The following TFR2 variants were observed in gnomAD, a reference collection of about 807,000 sequenced individuals.
The protein encoded by TFR2 is transferrin receptor protein 2.
In TFR2, 64 loss-of-function variants were observed where a neutral mutation model predicts 91.9. That is an observed-to-expected ratio of 0.70 (90% CI 0.57 to 0.86). TFR2 has a LOEUF of 0.86. Among genes scored for constraint, TFR2 ranks in the 40% least tolerant of loss-of-function variants. TFR2 has a pLI of 0.00. For synonymous variants in TFR2, 454 were observed against 459.6 expected (o/e 0.99, Z 0.15); for missense variants, 950 against 1,080.5 (o/e 0.88, Z 1.69).
chr7:100,629,739 T>G (rs1803374015), intron 9 of TFR2, among the ~76,000 whole-genome samples: 1 of 152,060 alleles, frequency 6.6e-6, no homozygotes, highest in Admixed American at 6.5e-5. Flanking sequence ...TTTTACTTAC[T>G]TACTTATTTA....
intron 17 of TFR2, among the ~76,000 whole-genome samples, chr7:100,624,342 T>C (rs1803196705): frequency 6.6e-6 from 1 of 152,188 alleles, no homozygotes; most frequent in South Asian, 2.1e-4. Context: ...CTCTCCACCC[T>C]GAAATGTCCT....
chr7:100,639,046 T>C (rs1054820029), intron 3 of TFR2, among the ~76,000 whole-genome samples: 3 of 152,046 alleles, frequency 2.0e-5, no homozygotes, highest in Admixed American at 6.6e-5. Flanking sequence ...AGGAAATCTA[T>C]TAACACAAAT....
rs561372343 is a variant in TFR2, at chr7:100,638,072, C to T, written c.473+2614G>A. On this transcript the variant is annotated intron_variant, in intron 3 of 17. Coordinates refer to ENST00000223051, the MANE Select transcript of TFR2 (RefSeq NM_003227.4). Reference sequence around the variant, plus strand: ...AGGCTGGAGTGCAGTGGCGCGATCTCGGTTCACTGCAAGCTCCGCCTCCCG... The same window carrying T: ...AGGCTGGAGTGCAGTGGCGCGATCTTGGTTCACTGCAAGCTCCGCCTCCCG... Among the ~76,000 whole-genome samples, 285 of 151,968 alleles carry T rather than the reference C, an allele frequency of 1.9e-3. 2 individuals carry two copies. The highest frequency in any genetic ancestry group is 9.8e-4 in the East Asian group (5 of 5,096).
At position 100,637,179 on chromosome 7, in the gene TFR2, C is replaced by G. The variant is rs112657344; in HGVS notation, c.473+3507G>C. ...CTTTGGGAGGCCGAGGTGGGTGGAT[C>G]TCCTGAGGTCAGGAGTTCGAGACCA... On this transcript the variant is annotated intron_variant, in intron 3 of 17. Coordinates refer to ENST00000223051, the MANE Select transcript of TFR2 (RefSeq NM_003227.4). Among the ~76,000 whole-genome samples, 640 of 152,206 alleles carry G rather than the reference C, an allele frequency of 4.2e-3. 3 individuals are homozygous for G. Among genetic ancestry groups the G allele is most frequent in the African/African-American group, 0.013 (529 of 41,518 alleles).
In TFR2 at chr7:100,633,029, C is replaced by A. The variant is rs1181796045; in HGVS notation, c.821G>T (p.Arg274Leu). The change falls in exon 6 of 18, where the codon CGC (arginine) becomes CTC (leucine). Residue 274 changes from arginine (R) to leucine (L), a missense_variant. By Grantham distance (102) the Arg-to-Leu change is moderately radical. Coordinates refer to ENST00000223051, the MANE Select transcript of TFR2 (RefSeq NM_003227.4). ...CTGGGCGAAGCTGATCACCCCCACG[C>A]GCACCAGCAGCAGGCGGCCCACTGG... Reference protein sequence around the residue: ...VDPVGRLLLVRVGVISFAQKV... With the variant: ...VDPVGRLLLVLVGVISFAQKV... 2 of 1,613,664 alleles carry A rather than the reference C, an allele frequency of 1.2e-6. No homozygotes were observed.
intron 3 of TFR2, among the ~76,000 whole-genome samples, chr7:100,637,353 C>A (rs1444075531): frequency 6.6e-6 from 1 of 151,550 alleles, no homozygotes; most frequent in African/African-American, 2.4e-5. Flanking sequence ...GAGCCAAGAT[C>A]GTGCCATTGC....
Position 100,627,443 on chromosome 7 carries a change from T to C in TFR2, c.1816A>G (p.Asn606Asp). ...CGGCCTTGCAGCACCTTATGCAGGT[T>C]CTCATAAGTGTCCTCCTTTGTGTGC... ...FLHTKEDTYE[N>D]LHKVLQGRLP... The change falls in exon 16 of 18, where the codon AAC becomes GAC. Residue 606 changes from asparagine to aspartate, a missense_variant. By Grantham distance (23) the Asn-to-Asp change is conservative (BLOSUM62 1). Coordinates refer to ENST00000223051, the MANE Select transcript of TFR2 (RefSeq NM_003227.4). The C allele has an allele frequency of 6.3e-7, 1 of 1,596,262 alleles. No homozygotes were observed. Among genetic ancestry groups the C allele is most frequent in the Non-Finnish European group, 8.5e-7 (1 of 1,171,636 alleles).
At position 100,620,729 on chromosome 7, in the gene TFR2, T is replaced by C. The variant is rs905761059; in HGVS notation, c.*128A>G. 1.1e-5 allele frequency: 15 copies of C among 1,325,996 alleles called. No individual in the cohort carries two copies. The highest frequency in any genetic ancestry group is 1.5e-5 in the Non-Finnish European group (14 of 945,220). 82.1% of individuals were successfully genotyped at this position (1,325,996 alleles called of 1,614,324 possible). A position where few individuals can be genotyped will look rare whatever the true frequency, so the allele number is the denominator to read the frequency against. On this transcript the variant is annotated 3_prime_UTR_variant, in exon 18 of 18. Transcript: ENST00000223051. ...GGTCTGGGCTCCGTGGAGAGATGTG[T>C]AGGGGTAATGAGAAATTGATCAGCA... is the stretch of plus-strand genomic sequence containing the variant.
At chr7:100,631,772 T>C (rs773114504) in intron 8 of TFR2, 34 bp downstream of exon 8, 2 of 1,602,084 alleles carry the variant, frequency 1.2e-6, no homozygotes, top group African/African-American at 2.7e-5. Flanking sequence ...CTCTCTCTGC[T>C]TCCTCCTCTT....
intron 17 of TFR2, 83 bp from the exon 18 acceptor site, chr7:100,621,209 CTTTTTGTTTTTTTGTT>C (rs554609956): frequency 7.1e-7 from 1 of 1,400,960 alleles, no homozygotes; most frequent in African/African-American, 1.5e-5. Context: ...GCCAGCCAGT[CTTTTTGTTTTTTTGTT>C]TGTTTGTTTT....
In TFR2 at chr7:100,627,353, C is replaced by G. The variant is rs1196855122; in HGVS notation, c.1906G>C (p.Asp636His). 6.4e-7 allele frequency: 1 copy of G among 1,552,112 alleles called. No homozygotes were observed. The highest frequency in any genetic ancestry group is 1.2e-5 in the South Asian group (1 of 84,170). The change falls in exon 16 of 18, where the codon GAT becomes CAT. Residue 636 changes from aspartate (D) to histidine (H), a missense_variant. Physicochemically the swap from Asp to His is moderately conservative, Grantham distance 81 (BLOSUM62 -1). Transcript: ENST00000223051. ...CCGAAGTCGAGGGGCAGCAGGCGAT[C>G]GTGGCTGAGCCGGATGAGGAGCTGC... is the stretch of plus-strand genomic sequence containing the variant. ...AGQLLIRLSHDRLLPLDFGRY... is the reference protein window; with the variant it reads ...AGQLLIRLSHHRLLPLDFGRY...
chr7:100,629,472 A>C (rs1803367263), intron 9 of TFR2, 100 bp from the exon 10 acceptor site: 3 of 1,590,648 alleles, frequency 1.9e-6, no homozygotes, highest in Admixed American at 1.7e-5. Flanking sequence ...CAATTCCGGC[A>C]ACCCTAGCCC....
intron 3 of TFR2, among the ~76,000 whole-genome samples, chr7:100,636,170 CTTTTTTTTTT>C (rs10584926): frequency 1.2e-5 from 1 of 85,732 alleles, no homozygotes; most frequent in Non-Finnish European, 2.1e-5. Flanking sequence ...CACCCTGCAT[CTTTTTTTTTT>C]TTTTTTTTTT....
At position 100,627,743 on chromosome 7, in the gene TFR2, C is replaced by T; in HGVS notation, c.1682+1G>A. The T allele has an allele frequency of 6.2e-7, 1 of 1,613,892 alleles. No homozygotes were observed. Reference sequence around the variant, plus strand: ...CAGCTCTCCCTACCCCCCCAACTTACACCTCAGCATCCCAGCTGGGATTGG... The same window carrying T: ...CAGCTCTCCCTACCCCCCCAACTTATACCTCAGCATCCCAGCTGGGATTGG... On this transcript the variant is annotated splice_donor_variant, in intron 14 of 17. Coordinates refer to ENST00000223051, the MANE Select transcript of TFR2 (RefSeq NM_003227.4). LOFTEE classifies it high-confidence loss of function.
chr7:100,628,576 A>C (rs1803334736), intron 10 of TFR2, among the ~76,000 whole-genome samples: 1 of 150,998 alleles, frequency 6.6e-6, no homozygotes, highest in African/African-American at 2.4e-5. Flanking sequence ...ATTTTTAAAA[A>C]ACTTTTGTAG....
intron 17 of TFR2, among the ~76,000 whole-genome samples, chr7:100,622,150 T>C (rs1193457143): frequency 6.6e-6 from 1 of 152,160 alleles, no homozygotes; most frequent in African/African-American, 2.4e-5. Flanking sequence ...CTTAGCCTCC[T>C]GAGTAGTTGG....
chr7:100,635,720 T>C (rs1803561405), intron 3 of TFR2, among the ~76,000 whole-genome samples: 2 of 152,072 alleles, frequency 1.3e-5, no homozygotes, highest in Admixed American at 1.3e-4. Context: ...TGCCTTGGCC[T>C]CCCAAAGTGC....
intron 3 of TFR2, 96 bp from the exon 4 acceptor site, chr7:100,633,652 C>A: frequency 9.0e-7 from 1 of 1,116,016 alleles, no homozygotes; most frequent in South Asian, 2.1e-5. Context: ...GGGGCAGGGG[C>A]GGCGAGGGGT....
At chr7:100,622,055 G>T (rs1803126743) in intron 17 of TFR2, among the ~76,000 whole-genome samples, 1 of 151,976 alleles carries the variant, frequency 6.6e-6, no homozygotes, top group Admixed American at 6.6e-5. Flanking sequence ...TAGAGACAGG[G>T]TCTCACTGTC....
Sources: gnomAD v4.1 joint callset for allele counts (sites outside exome capture counted in the v4.1 genomes callset) on GRCh38, gnomAD v4.1.1 for gene constraint, MANE v1.5 for transcripts, NCBI Gene and HGNC (gene_info 2026-07-23, HGNC 2026-07-21) for gene names.